PFKFB3: variants seen among roughly 807,000 people sequenced by gnomAD.
PFKFB3 encodes 6-phosphofructo-2-kinase/fructose-2,6-bisphosphatase 3.
PFKFB3 carries 33 observed loss-of-function variants against 68.0 expected under a neutral mutation model. The ratio of observed to expected loss-of-function variants is 0.49; its 90% confidence interval spans 0.37 to 0.65. PFKFB3 has a LOEUF of 0.65. Among genes scored for constraint, PFKFB3 ranks in the 30% least tolerant of loss-of-function variants. The probability of loss-of-function intolerance (pLI) is 0.00; values close to 1 mark genes in which losing one functional copy is unlikely to be tolerated. For missense variants in PFKFB3, 586 were observed against 712.2 expected (o/e 0.82, Z 2.02); for synonymous variants, 315 against 288.2 (o/e 1.09, Z -0.94).
intron 1 of PFKFB3, among the ~76,000 whole-genome samples, chr10:6,155,035 G>A (rs537926243): frequency 6.6e-6 from 1 of 152,128 alleles, no homozygotes; most frequent in Non-Finnish European, 1.5e-5. Context: ...AGTCCACTGT[G>A]CCCCAGGTCA....
chr10:6,228,266 G>A lies in PFKFB3; in HGVS notation c.1515+1901G>A. 6.2e-7 allele frequency: 1 copy of A among 1,609,180 alleles called. No individual in the cohort carries two copies. The highest frequency in any genetic ancestry group is 8.5e-7 in the Non-Finnish European group (1 of 1,176,814). ...CTGCTGCTTGCACTGCTTTCTTCCTGCTTGCTCATTTGGCCTCCTGCCTGT... is the reference window on the plus strand; with the variant it reads ...CTGCTGCTTGCACTGCTTTCTTCCTACTTGCTCATTTGGCCTCCTGCCTGT... On this transcript the variant is annotated intron_variant, in intron 14 of 14. Coordinates refer to ENST00000379775, the MANE Select transcript of PFKFB3 (RefSeq NM_004566.4). The surrounding 1 kb of genome is among the most constrained non-coding windows in gnomAD (Gnocchi z 4.5).
chr10:6,239,034 G>A (rs1054814880), downstream of PFKFB3, among the ~76,000 whole-genome samples: 5 of 152,094 alleles, frequency 3.3e-5, no homozygotes, highest in Admixed American at 1.3e-4. Context: ...GAACATACGC[G>A]TGCATGTGTC....
chr10:6,314,440 A>G, the PFKFB3 span, among the ~76,000 whole-genome samples: 2 of 152,216 alleles, frequency 1.3e-5, no homozygotes, highest in African/African-American at 4.8e-5. Flanking sequence ...TGTGTGATCT[A>G]TCAAAAGGAA....
chr10:6,147,540 C>T (rs955419942), intron 1 of PFKFB3, among the ~76,000 whole-genome samples: 3 of 152,116 alleles, frequency 2.0e-5, no homozygotes, highest in Non-Finnish European at 4.4e-5. Flanking sequence ...ATAGGAAAAC[C>T]GTAAGGGATA....
chr10:6,232,853 A>T (rs1279857145), intron 14 of PFKFB3, 42 bp from the exon 15 acceptor site: 4 of 1,555,490 alleles, frequency 2.6e-6, no homozygotes, highest in Non-Finnish European at 2.7e-6. Context: ...GCCAGCTACA[A>T]ATCCTAACTC....
chr10:6,231,690 G>A, intron 14 of PFKFB3: 2 of 622,902 alleles, frequency 3.2e-6, no homozygotes, highest in Non-Finnish European at 4.0e-6. Flanking sequence ...CCCTAGATAT[G>A]AGGACCCAGG....
the PFKFB3 span, among the ~76,000 whole-genome samples, chr10:6,268,851 G>A: frequency 2.0e-5 from 3 of 151,216 alleles, no homozygotes; most frequent in African/African-American, 4.9e-5. Flanking sequence ...GCAAAACCCT[G>A]TTTTTACTAA....
chr10:6,316,873 C>T, the PFKFB3 span, among the ~76,000 whole-genome samples: 1 of 152,166 alleles, frequency 6.6e-6, no homozygotes, highest in African/African-American at 2.4e-5. Context: ...GACTCTTGGC[C>T]AGGTCTGCAT....
the PFKFB3 span, among the ~76,000 whole-genome samples, chr10:6,316,011 G>A: frequency 6.6e-6 from 1 of 152,140 alleles, no homozygotes; most frequent in Admixed American, 6.5e-5. Context: ...TTATATATAA[G>A]AGACTTTTCC....
chr10:6,326,438 A>G, the PFKFB3 span: 1 of 422,608 alleles, frequency 2.4e-6, no homozygotes, highest in Non-Finnish European at 4.7e-6. Flanking sequence ...TGTACCCCAG[A>G]ACTTAAAATA....
intron 13 of PFKFB3, 26 bp from the exon 14 acceptor site, chr10:6,226,166 C>T (rs759604567): frequency 6.5e-7 from 1 of 1,533,798 alleles, no homozygotes; most frequent in East Asian, 2.4e-5. Context: ...TGTCGCCTTT[C>T]TCTCTTTTGT....
chr10:6,220,843 G>A lies in PFKFB3; in HGVS notation c.809G>A (p.Gly270Asp). ...CAGGGCCGCATCGGGGGCGACTCAG[G>A]CCTGTCCAGCCGGGGCAAGAAGGTG... is the stretch of plus-strand genomic sequence containing the variant. ...NLQGRIGGDSGLSSRGKKFAS... is the reference protein window; with the variant it reads ...NLQGRIGGDSDLSSRGKKFAS... The change falls in exon 8 of 15, where the codon GGC becomes GAC. Residue 270 changes from glycine to aspartate, a missense_variant. Physicochemically the swap from Gly to Asp is moderately conservative, Grantham distance 94 (BLOSUM62 -1). Coordinates refer to ENST00000379775, the MANE Select transcript of PFKFB3 (RefSeq NM_004566.4). The surrounding 1 kb of genome is among the most constrained non-coding windows in gnomAD (Gnocchi z 4.1). 1 of 1,612,246 alleles carries A rather than the reference G, an allele frequency of 6.2e-7. No individual in the cohort carries two copies. Among genetic ancestry groups the A allele is most frequent in the Non-Finnish European group, 8.5e-7 (1 of 1,180,004 alleles).
intron 1 of PFKFB3, chr10:6,197,685 T>C (rs1211223916): frequency 6.6e-6 from 1 of 152,140 alleles, no homozygotes; most frequent in Non-Finnish European, 1.5e-5. Flanking sequence ...AAGTGAATCC[T>C]CATAAAGGTC....
chr10:6,270,598 G>C, the PFKFB3 span, among the ~76,000 whole-genome samples: 1 of 152,094 alleles, frequency 6.6e-6, no homozygotes, highest in African/African-American at 2.4e-5. Flanking sequence ...TAACACCTTT[G>C]TGCTTGCTGT....
intron 1 of PFKFB3, among the ~76,000 whole-genome samples, chr10:6,159,748 C>A (rs1257146904): frequency 6.6e-6 from 1 of 150,994 alleles, no homozygotes; most frequent in Non-Finnish European, 1.5e-5. Context: ...ACATCAAAAT[C>A]ATTACATATG....
intron 1 of PFKFB3, among the ~76,000 whole-genome samples, chr10:6,147,223 A>G (rs536769648): frequency 1.3e-5 from 2 of 152,374 alleles, no homozygotes; most frequent in Non-Finnish European, 2.9e-5. Flanking sequence ...AGGAGACGCC[A>G]GTGCAGCTAC....
chr10:6,228,962 G>A lies in PFKFB3; in HGVS notation c.1515+2597G>A, dbSNP rs1043359262. On this transcript the variant is annotated intron_variant, in intron 14 of 14. Coordinates refer to ENST00000379775, the MANE Select transcript of PFKFB3 (RefSeq NM_004566.4). The surrounding 1 kb of genome is among the most constrained non-coding windows in gnomAD (Gnocchi z 4.5). ...TGGGGCTGTGTTCCCACTGCTCTGG[G>A]ATCCCTTCCCCACCAGGAGCAGAGG... The A allele has an allele frequency of 2.4e-6, 1 of 418,054 alleles. No individual in the cohort carries two copies. The highest frequency in any genetic ancestry group is 2.1e-5 in the African/African-American group (1 of 48,738). 25.9% of individuals were successfully genotyped at this position (418,054 alleles called of 1,614,324 possible).
chr10:6,189,929 C>A (rs182989372), intron 1 of PFKFB3, among the ~76,000 whole-genome samples: 1 of 152,140 alleles, frequency 6.6e-6, no homozygotes, highest in Admixed American at 6.5e-5. Flanking sequence ...TATTTTGAGT[C>A]TCTGCAAATA....
rs777066350 is a variant in PFKFB3 at position 6,226,233 on chromosome 10, T to C, written c.1383T>C (p.Ser461=). 3 of 1,613,350 alleles carry C rather than the reference T, an allele frequency of 1.9e-6. No homozygotes were observed. Among genetic ancestry groups the C allele is most frequent in the East Asian group, 2.2e-5 (1 of 44,790 alleles). The change falls in exon 14 of 15, where the codon AGT becomes AGC. Residue 461 remains serine, a synonymous_variant. Transcript: ENST00000379775. ...KGPNPLMRRN[S]VTPLASPEPT... is the part of the protein sequence containing the mutation. ...CTAACCCGCTCATGAGACGCAATAG[T>C]GTCACCCCGCTAGCCAGCCCCGAAC...
Sources: gnomAD v4.1 joint callset for allele counts (sites outside exome capture counted in the v4.1 genomes callset) on GRCh38, gnomAD v4.1.1 for gene constraint, Gnocchi (gnomAD v3.1) non-coding constraint, MANE v1.5 for transcripts, NCBI Gene and HGNC (gene_info 2026-07-23, HGNC 2026-07-21) for gene names.